The following USH2A variants were observed in gnomAD, a reference collection of about 807,000 sequenced individuals.
The protein encoded by USH2A is Usher syndrome 2A (autosomal recessive, mild).
In USH2A, 443 loss-of-function variants were observed where a neutral mutation model predicts 538.9. The observed-to-expected ratio is 0.82, with a 90% CI of 0.76 to 0.89. The LOEUF (loss-of-function observed/expected upper bound fraction) is 0.89, where lower values mean the gene tolerates loss of function less well. Ranked by LOEUF, USH2A falls within the 40% of genes least tolerant of loss-of-function variation. The pLI, the probability that USH2A is intolerant of heterozygous loss-of-function variation, is 0.00. For missense variants in USH2A, 6,633 were observed against 6,324.8 expected (o/e 1.05, Z -1.65); for synonymous variants, 2,413 against 2,273.5 (o/e 1.06, Z -1.75).
Position 216,046,565 on chromosome 1 carries a change from G to T in USH2A, c.6191C>A (p.Ala2064Asp). Residue 2064 changes from alanine to aspartate, a missense_variant, in exon 32 of 72, where the codon GCC becomes GAC. Coordinates refer to ENST00000307340, the MANE Select transcript of USH2A (RefSeq NM_206933.4). ...EAPQEVQPPV[A>D]KSLPSSLLLS... Reference sequence around the variant, plus strand: ...CAGCAAAGAACTGGGAAGGGATTTGGCTACTGGTGGCTGAACCTCTTGTGG... The same window carrying T: ...CAGCAAAGAACTGGGAAGGGATTTGTCTACTGGTGGCTGAACCTCTTGTGG... The T allele has an allele frequency of 6.2e-7, 1 of 1,613,810 alleles. No individual in the cohort carries two copies. Among genetic ancestry groups the T allele is most frequent in the Non-Finnish European group, 8.5e-7 (1 of 1,179,778 alleles).
At chr1:216,289,617 A>ACT (rs2102606871) in intron 10 of USH2A, among the ~76,000 whole-genome samples, 1 of 151,984 alleles carries the variant, frequency 6.6e-6, no homozygotes, top group South Asian at 2.1e-4. Context: ...ACTTCATTAA[A>ACT]CTCCCATCTG....
chr1:215,682,162 A>G (rs1218120018), intron 61 of USH2A, among the ~76,000 whole-genome samples: 2 of 152,206 alleles, frequency 1.3e-5, no homozygotes, highest in African/African-American at 2.4e-5. Context: ...AAGATTAATA[A>G]TGCAAAAAAG....
chr1:215,877,855 G>A lies in USH2A; in HGVS notation c.8584C>T (p.Gln2862Ter), dbSNP rs748863844. The A allele has an allele frequency of 1.2e-6, 2 of 1,613,730 alleles. No individual in the cohort carries two copies. The highest frequency in any genetic ancestry group is 1.7e-6 in the Non-Finnish European group (2 of 1,179,722). Residue 2862 changes from glutamine (Q) to a stop codon, truncating the protein, a stop_gained, in exon 43 of 72, where the codon CAG (glutamine) becomes TAG (stop). Coordinates refer to ENST00000307340, the MANE Select transcript of USH2A (RefSeq NM_206933.4). LOFTEE classifies it high-confidence loss of function. ...LRYELLRRKIQQPLASNPPED... is the reference protein window; with the variant it reads ...LRYELLRRKI ...GGGGGATTTGATGCAAGTGGCTGCT[G>A]GATTTTACGTCTCAGAAGCTCATAT...
intron 38 of USH2A, among the ~76,000 whole-genome samples, chr1:215,917,436 CAATT>C (rs1189709132): frequency 6.6e-6 from 1 of 151,786 alleles, no homozygotes; most frequent in African/African-American, 2.4e-5. Flanking sequence ...CAATACTGTT[CAATT>C]AATTCTATTT....
chr1:216,139,555 A>G (rs1031553247), intron 21 of USH2A, among the ~76,000 whole-genome samples: 2 of 152,264 alleles, frequency 1.3e-5, no homozygotes, highest in Admixed American at 6.5e-5. Flanking sequence ...TCAGTGTTTT[A>G]TCACCTGGAA....
rs756678702 is a variant in USH2A at position 215,790,070 on chromosome 1, T to C, written c.10171A>G (p.Met3391Val). 1 of 1,613,564 alleles carries C rather than the reference T, an allele frequency of 6.2e-7. No individual in the cohort carries two copies. Among genetic ancestry groups the C allele is most frequent in the Non-Finnish European group, 8.5e-7 (1 of 1,179,940 alleles). Residue 3391 changes from methionine (M) to valine (V), a missense_variant, in exon 51 of 72, where the codon ATG becomes GTG. Physicochemically the swap from Met to Val is conservative, Grantham distance 21 (BLOSUM62 1). Transcript: ENST00000307340. ...YVCSDKISTGMMMKETKECRI... is the reference protein window; with the variant it reads ...YVCSDKISTGVMMKETKECRI... ...TTTCTATCAATTACCTTCATCATCA[T>C]TCCAGTTGAAATCTTGTCAGAGCAA...
intron 36 of USH2A, 46 bp downstream of exon 36, chr1:215,970,579 C>A: frequency 6.2e-7 from 1 of 1,612,080 alleles, no homozygotes; most frequent in South Asian, 1.1e-5. Context: ...TATTCAGTGT[C>A]ATCTGACATT....
chr1:216,262,415 A>C (rs2102568283), intron 11 of USH2A, among the ~76,000 whole-genome samples: 1 of 152,240 alleles, frequency 6.6e-6, no homozygotes, highest in African/African-American at 2.4e-5. Context: ...TGAGCAATTT[A>C]GTTAATGAAA....
rs1657974245 is a variant in USH2A at position 215,675,155 on chromosome 1, A to G, written c.12756T>C (p.Ser4252=). The G allele has an allele frequency of 2.5e-6, 4 of 1,614,120 alleles. No individual in the cohort carries two copies. Among genetic ancestry groups the G allele is most frequent in the Middle Eastern group, 1.6e-4 (1 of 6,062 alleles). ...CTTGCAATGTCCTCACCACATTCCA[A>G]GAGCTACAGGTATGCCCAGCTGAAT... ...TWNSAGHTCS[S]WNVVRTLQAP... Residue 4252 remains serine (S), a synonymous_variant, in exon 63 of 72, where the codon TCT becomes TCC. Transcript: ENST00000307340.
chr1:215,634,888 G>A (rs1020474824), intron 69 of USH2A, among the ~76,000 whole-genome samples, 185 bp from the exon 70 acceptor site: 6 of 152,240 alleles, frequency 3.9e-5, no homozygotes, highest in Admixed American at 3.3e-4. Context: ...GTTATAACGA[G>A]ATGCTTACAG....
chr1:215,974,209 AT>A (rs1667566081), intron 35 of USH2A, among the ~76,000 whole-genome samples: 1 of 152,144 alleles, frequency 6.6e-6, no homozygotes, highest in South Asian at 2.1e-4. Context: ...TAACATGACA[AT>A]TTTAACTTCA....
intron 38 of USH2A, among the ~76,000 whole-genome samples, chr1:215,919,662 T>A (rs1361461709): frequency 6.6e-6 from 1 of 152,116 alleles, no homozygotes; most frequent in African/African-American, 2.4e-5. Context: ...AAGCAACCTA[T>A]AATTTCATAC....
At chr1:216,047,446 TACC>T (rs1321747674) in intron 31 of USH2A, among the ~76,000 whole-genome samples, 1 of 152,172 alleles carries the variant, frequency 6.6e-6, no homozygotes, top group Non-Finnish European at 1.5e-5. Context: ...ACAGTGCTAT[TACC>T]AGTAGACCAG....
chr1:215,654,616 G>A (rs1657184433), intron 64 of USH2A, among the ~76,000 whole-genome samples: 1 of 152,170 alleles, frequency 6.6e-6, no homozygotes, highest in African/African-American at 2.4e-5. Flanking sequence ...TAAGGTTTCT[G>A]TTGTAACCAT....
At chr1:216,317,205 C>T (rs551152189) in intron 9 of USH2A, among the ~76,000 whole-genome samples, 2 of 152,240 alleles carry the variant, frequency 1.3e-5, no homozygotes, top group African/African-American at 4.8e-5. Flanking sequence ...CCAGCAATCC[C>T]ATTACTGTGT....
chr1:216,291,729 AAG>A (rs1439046221), intron 10 of USH2A, among the ~76,000 whole-genome samples: 1 of 152,208 alleles, frequency 6.6e-6, no homozygotes, highest in African/African-American at 2.4e-5. Context: ...TATTTTCAAA[AAG>A]AGTATTCTCA....
intron 3 of USH2A, among the ~76,000 whole-genome samples, chr1:216,415,508 C>CTTTTTTTTTTTTTTT (rs71161423): frequency 2.3e-4 from 22 of 96,872 alleles, no homozygotes; most frequent in East Asian, 7.1e-4. Flanking sequence ...CTTCCTGTCA[C>CTTTTTTTTTTTTTTT]TTTTTTTTTT....
chr1:215,671,029 T>G lies in USH2A; in HGVS notation c.14076A>C (p.Gly4692=), dbSNP rs1558046018. The G allele has an allele frequency of 6.2e-7, 1 of 1,614,164 alleles. No individual in the cohort carries two copies. The highest frequency in any genetic ancestry group is 8.5e-7 in the Non-Finnish European group (1 of 1,180,006). Residue 4692 remains glycine (G), a synonymous_variant, in exon 64 of 72, where the codon GGA becomes GGC. Transcript: ENST00000307340. The part of the protein sequence containing the change: ...RKSNPVLIYN[G]SSTSFIDSEL... ...CGGAATCTATAAAAGATGTTGAGCT[T>G]CCGTTATAGATTAGGACTGGATTGG...
chr1:216,199,482 C>A (rs779726488), intron 17 of USH2A, 145 bp downstream of exon 17: 32 of 1,249,674 alleles, frequency 2.6e-5, no homozygotes, highest in Non-Finnish European at 3.6e-5. Context: ...CAAATACTAT[C>A]TTATATCTTT....
Sources: gnomAD v4.1 joint callset for allele counts (sites outside exome capture counted in the v4.1 genomes callset) on GRCh38, gnomAD v4.1.1 for gene constraint, MANE v1.5 for transcripts, NCBI Gene and HGNC (gene_info 2026-07-23, HGNC 2026-07-21) for gene names.